The following ARMC3 variants were observed in gnomAD, a reference collection of about 807,000 sequenced individuals.
ARMC3 encodes armadillo repeat containing 3.
A neutral mutation model predicts 90.3 loss-of-function variants in ARMC3; 74 were observed. That is an observed-to-expected ratio of 0.82 (90% confidence interval 0.68 to 0.99). The LOEUF is 0.99. ARMC3 is among the 50% of genes least tolerant of loss of function. ARMC3 has a pLI of 0.00. For missense variants in ARMC3, 958 were observed against 1,042.8 expected (o/e 0.92, Z 1.12); for synonymous variants, 334 against 361.8 (o/e 0.92, Z 0.87).
chr10:22,943,077 G>A (rs1564341711), intron 2 of ARMC3, among the ~76,000 whole-genome samples: 1 of 152,172 alleles, frequency 6.6e-6, no homozygotes, highest in Non-Finnish European at 1.5e-5. Flanking sequence ...AAAGGAGTGT[G>A]AGGAAACCTT....
rs1363669556 is a variant in ARMC3, at chr10:22,968,445, T to C, written c.872T>C (p.Ile291Thr). Residue 291 changes from isoleucine (I) to threonine (T), a missense_variant, in exon 8 of 19, where the codon ATT becomes ACT. Transcript: ENST00000298032. ...GCAGAAAACTCTACAATTCCTGATA[T>C]TCAGAAGAATGCAGCAAAAGCCATT... is the stretch of plus-strand genomic sequence containing the variant. ...SFAENSTIPD[I>T]QKNAAKAITK... The C allele has an allele frequency of 1.9e-6, 3 of 1,606,596 alleles. No homozygotes were observed. Among genetic ancestry groups the C allele is most frequent in the Non-Finnish European group, 1.7e-6 (2 of 1,178,072 alleles).
chr10:22,966,219 G>A (rs1238189933), intron 7 of ARMC3, among the ~76,000 whole-genome samples: 1 of 152,184 alleles, frequency 6.6e-6, no homozygotes, highest in East Asian at 1.9e-4. Flanking sequence ...TCTCCCCAGA[G>A]CTTCTGCAGT....
intron 2 of ARMC3, among the ~76,000 whole-genome samples, chr10:22,934,914 A>G (rs1834055387): frequency 1.3e-5 from 2 of 152,182 alleles, no homozygotes; most frequent in Non-Finnish European, 2.9e-5. Context: ...TGAGGCATGG[A>G]CGACCAGCTG....
chr10:22,966,543 C>G (rs1040620866), intron 7 of ARMC3, among the ~76,000 whole-genome samples: 5 of 152,136 alleles, frequency 3.3e-5, no homozygotes, highest in Admixed American at 3.3e-4. Flanking sequence ...TTAGAGTTCT[C>G]TAGAGAAATA....
At chr10:23,014,622 A>G (rs2131513940) in intron 16 of ARMC3, 1 of 492,734 alleles carries the variant, frequency 2.0e-6, no homozygotes, top group East Asian at 1.5e-4. Flanking sequence ...ATGCAGCCAC[A>G]AAAAAGAGTG....
chr10:23,022,357 C>G (rs1237013873), intron 16 of ARMC3, among the ~76,000 whole-genome samples: 3 of 152,206 alleles, frequency 2.0e-5, no homozygotes, highest in Admixed American at 6.5e-5. Context: ...TCCTGCAGAT[C>G]AAGTTGGCAC....
Position 22,970,156 on chromosome 10 carries a change from C to T in ARMC3, c.916+1667C>T, listed in dbSNP as rs190278135. Among the ~76,000 whole-genome samples the T allele has an allele frequency of 4.0e-4, 61 of 152,242 alleles. No individual in the cohort carries two copies. The East Asian group carries it at 9.5e-3, about 24-fold the overall frequency. ...CAGGATCACCCAGGAAGGCTCCCAG[C>T]ACAGACCTGGATCAGAAAAATATTT... On this transcript the variant is annotated intron_variant, in intron 8 of 18. Transcript: ENST00000298032.
Position 23,003,246 on chromosome 10 carries a change from G to A in ARMC3, c.1563G>A (p.Gly521=), listed in dbSNP as rs774401261. The change falls in exon 13 of 19, where the codon GGG becomes GGA. Residue 521 remains glycine (G), a splice_region_variant and synonymous_variant. Coordinates refer to ENST00000298032, the MANE Select transcript of ARMC3 (RefSeq NM_173081.5). ...TAATGCTTTTTGCTTTTATTGACAG[G>A]GCTTTAGATATCCTTGAAGAAGTTA... is the stretch of plus-strand genomic sequence containing the variant. ...ELTANELCRL[G]ALDILEEVNV... 1.2e-6 allele frequency: 2 copies of A among 1,610,412 alleles called. No individual in the cohort carries two copies. Among genetic ancestry groups the A allele is most frequent in the Middle Eastern group, 1.7e-4 (1 of 5,984 alleles).
intron 8 of ARMC3, among the ~76,000 whole-genome samples, chr10:22,973,653 CT>C (rs35563740): frequency 2.0e-5 from 3 of 146,404 alleles, no homozygotes; most frequent in Non-Finnish European, 3.0e-5. Flanking sequence ...TATCCTTATT[CT>C]TTTTTTAGCT....
chr10:22,957,349 C>T (rs1281062354), intron 4 of ARMC3, among the ~76,000 whole-genome samples: 1 of 152,168 alleles, frequency 6.6e-6, no homozygotes, highest in African/African-American at 2.4e-5. Flanking sequence ...CCATTACAGC[C>T]TCAGCTACAG....
intron 10 of ARMC3, among the ~76,000 whole-genome samples, chr10:22,989,442 G>C (rs1215090328): frequency 1.3e-5 from 2 of 152,036 alleles, no homozygotes; most frequent in Non-Finnish European, 1.5e-5. Context: ...TGCTATTATG[G>C]TTTCTCTAGA....
intron 10 of ARMC3, among the ~76,000 whole-genome samples, chr10:22,994,008 A>G (rs915572853): frequency 2.0e-5 from 3 of 152,218 alleles, no homozygotes; most frequent in African/African-American, 4.8e-5. Flanking sequence ...AGTGCTGCAA[A>G]ATAACATTTT....
chr10:22,998,718 T>C (rs1382579208), intron 11 of ARMC3, among the ~76,000 whole-genome samples: 1 of 152,058 alleles, frequency 6.6e-6, no homozygotes, highest in Non-Finnish European at 1.5e-5. Flanking sequence ...GTTAAGAAAA[T>C]AGATAATGCA....
chr10:22,946,542 A>G (rs897896410), intron 3 of ARMC3: 89 of 238,912 alleles, frequency 3.7e-4, no homozygotes, highest in Non-Finnish European at 5.5e-4. Flanking sequence ...AGAACTCCCA[A>G]TAGTCAAGGC....
At chr10:22,980,133 T>G (rs1005515526) in intron 8 of ARMC3, among the ~76,000 whole-genome samples, 1 of 152,182 alleles carries the variant, frequency 6.6e-6, no homozygotes, top group Non-Finnish European at 1.5e-5. Flanking sequence ...TTAATTAACA[T>G]GTGTATAAGT....
At chr10:23,009,732 C>CAG (rs1837822971) in intron 16 of ARMC3, among the ~76,000 whole-genome samples, 1 of 152,146 alleles carries the variant, frequency 6.6e-6, no homozygotes, top group African/African-American at 2.4e-5. Context: ...CTCCTGACCT[C>CAG]GTGATCTGCC....
chr10:23,031,151 T>C (rs1194753048), intron 17 of ARMC3: 1 of 186,676 alleles, frequency 5.4e-6, no homozygotes, highest in African/African-American at 2.4e-5. Context: ...GTTAAAGGAA[T>C]CCTACTGTGA....
At chr10:22,961,838 T>C (rs778743270) in intron 6 of ARMC3, 46 bp from the exon 7 acceptor site, 6 of 1,429,834 alleles carry the variant, frequency 4.2e-6, no homozygotes, top group Admixed American at 4.7e-5. Flanking sequence ...TTCTTGAGGA[T>C]GTATTTTGCT....
chr10:23,008,336 T>C lies in ARMC3; in HGVS notation c.1890T>C (p.Ser630=). 6.5e-7 allele frequency: 1 copy of C among 1,548,906 alleles called. No individual in the cohort carries two copies. Among genetic ancestry groups the C allele is most frequent in the Non-Finnish European group, 8.8e-7 (1 of 1,134,568 alleles). ...SDVGYGRSIS[S]SSSLRRSSKE... ...TTGGTTATGGACGAAGTATTTCTTCTTCATCTTCCTTAAGAAGATCAAGTA... is the reference window on the plus strand; with the variant it reads ...TTGGTTATGGACGAAGTATTTCTTCCTCATCTTCCTTAAGAAGATCAAGTA... The change falls in exon 15 of 19, where the codon TCT becomes TCC. Residue 630 remains serine, a synonymous_variant. Coordinates refer to ENST00000298032, the MANE Select transcript of ARMC3 (RefSeq NM_173081.5).
Sources: gnomAD v4.1 joint callset for allele counts (sites outside exome capture counted in the v4.1 genomes callset) on GRCh38, gnomAD v4.1.1 for gene constraint, MANE v1.5 for transcripts, NCBI Gene and HGNC (gene_info 2026-07-23, HGNC 2026-07-21) for gene names.